The following WWOX variants were observed in gnomAD, a reference collection of about 807,000 sequenced individuals.
WWOX encodes the protein WW domain-containing oxidoreductase.
Under a neutral mutation model 46.2 loss-of-function variants are expected in WWOX, and 69 were observed. That is an observed-to-expected ratio of 1.49 (90% CI 1.23 to 1.82). The LOEUF is 1.82. Ranked by LOEUF, WWOX falls within the 40% of genes most tolerant of loss-of-function variation. The probability of loss-of-function intolerance (pLI) is 0.00; values close to 1 mark genes in which losing one functional copy is unlikely to be tolerated. For synonymous variants in WWOX, 359 were observed against 202.6 expected (o/e 1.77, Z -6.56); for missense variants, 919 against 542.6 (o/e 1.69, Z -6.89).
intron 8 of WWOX, among the ~76,000 whole-genome samples, chr16:79,049,116 C>G (rs1005716330): frequency 3.3e-5 from 5 of 152,204 alleles, no homozygotes; most frequent in Admixed American, 3.3e-4. Context: ...CTGCAAACAG[C>G]TAGATAGCAA....
chr16:78,189,996 A>T (rs1457738302), intron 5 of WWOX, among the ~76,000 whole-genome samples: 4 of 152,256 alleles, frequency 2.6e-5, no homozygotes, highest in African/African-American at 9.6e-5. Context: ...CTTCCCACCC[A>T]AACCTTTCCT....
chr16:78,609,393 C>A (rs1392278610), intron 8 of WWOX, among the ~76,000 whole-genome samples: 2 of 151,812 alleles, frequency 1.3e-5, no homozygotes, highest in Non-Finnish European at 2.9e-5. Flanking sequence ...TATATGCTTC[C>A]CCACCAGGAG....
chr16:79,044,288 C>T (rs2656610), intron 8 of WWOX, among the ~76,000 whole-genome samples: 63,099 of 151,908 alleles, frequency 0.42, 15,399 homozygotes, highest in African/African-American at 0.69. Context: ...CGGTCTGATA[C>T]AGCTTAGATG....
At chr16:78,662,961 T>C (rs537354041) in intron 8 of WWOX, among the ~76,000 whole-genome samples, 20 of 152,336 alleles carry the variant, frequency 1.3e-4, no homozygotes, top group African/African-American at 4.6e-4. Context: ...TTTTTTTAAC[T>C]TAATCTTGGA....
In WWOX at chr16:78,349,357, C is replaced by T. The variant is rs1212771330; in HGVS notation, c.517-37503C>T. ...GAGGTAGTACGGGTTAGGTCTTCAG[C>T]ATATGAATTTTGGGGAAACAGAATC... On this transcript the variant is annotated intron_variant, in intron 5 of 8. Coordinates refer to ENST00000566780, the MANE Select transcript of WWOX (RefSeq NM_016373.4). 1.1e-4 allele frequency among the ~76,000 whole-genome samples: 13 copies of T among 121,056 alleles called. 5 individuals are homozygous for T. The South Asian group carries it at 1.5e-3, about 14-fold the overall frequency. The allele number at this position is 121,056 out of a possible 152,430, so 79.4% of individuals were successfully genotyped here. A position where few individuals can be genotyped will look rare whatever the true frequency, so the allele number is the denominator to read the frequency against.
chr16:78,608,233 T>C (rs2045811291), intron 8 of WWOX, among the ~76,000 whole-genome samples: 1 of 152,124 alleles, frequency 6.6e-6, no homozygotes, highest in African/African-American at 2.4e-5. Flanking sequence ...AAAAGAACTG[T>C]GAAAATACAC....
intron 8 of WWOX, among the ~76,000 whole-genome samples, chr16:78,771,042 G>A (rs1331507870): frequency 2.0e-5 from 3 of 152,320 alleles, no homozygotes; most frequent in African/African-American, 7.2e-5. Flanking sequence ...AGAAGGAACC[G>A]CACGTGCAAA....
At chr16:78,147,963 G>C (rs1255213760) in intron 4 of WWOX, among the ~76,000 whole-genome samples, 1 of 151,694 alleles carries the variant, frequency 6.6e-6, no homozygotes, top group Non-Finnish European at 1.5e-5. Flanking sequence ...TGTGCGTGTA[G>C]AATCCTGGTG....
chr16:78,370,500 T>G (rs55984374), intron 5 of WWOX, among the ~76,000 whole-genome samples: 2 of 118,840 alleles, frequency 1.7e-5, no homozygotes, highest in African/African-American at 6.4e-5. Context: ...ACGATGTTTT[T>G]TTTTTTGATT....
At chr16:78,320,001 TTTAAC>T (rs1362092203) in intron 5 of WWOX, among the ~76,000 whole-genome samples, 1 of 152,206 alleles carries the variant, frequency 6.6e-6, no homozygotes, top group Non-Finnish European at 1.5e-5. Flanking sequence ...CATTATATCT[TTTAAC>T]TTTATTTCTT....
intron 5 of WWOX, among the ~76,000 whole-genome samples, chr16:78,351,727 G>T (rs1164709119): frequency 6.6e-6 from 1 of 152,130 alleles, no homozygotes; most frequent in African/African-American, 2.4e-5. Flanking sequence ...CACGATGTTG[G>T]CTCACTGCAA....
At chr16:78,976,436 C>G (rs1332969235) in intron 8 of WWOX, among the ~76,000 whole-genome samples, 13 of 152,220 alleles carry the variant, frequency 8.5e-5, no homozygotes, top group Non-Finnish European at 1.3e-4. Flanking sequence ...GGGCCTGTGA[C>G]TAACAGCCAC....
intron 8 of WWOX, among the ~76,000 whole-genome samples, chr16:79,127,127 T>C (rs2049775181): frequency 6.6e-6 from 1 of 152,104 alleles, no homozygotes; most frequent in Non-Finnish European, 1.5e-5. Context: ...AAGTAGAAGA[T>C]AAAAACAAGG....
intron 5 of WWOX, among the ~76,000 whole-genome samples, chr16:78,170,371 A>T (rs78198200): frequency 0.037 from 5,668 of 152,302 alleles, 158 homozygotes; most frequent in Non-Finnish European, 0.06. Flanking sequence ...AACTCTGTGT[A>T]TATAAAGTCT....
intron 8 of WWOX, among the ~76,000 whole-genome samples, chr16:78,894,946 A>C (rs892971195): frequency 5.3e-5 from 8 of 152,158 alleles, no homozygotes; most frequent in African/African-American, 1.7e-4. Flanking sequence ...CGATAGTTCC[A>C]ATGGATCCAC....
At chr16:78,425,552 G>A (rs2083056124) in intron 7 of WWOX, among the ~76,000 whole-genome samples, 1 of 152,310 alleles carries the variant, frequency 6.6e-6, no homozygotes, top group African/African-American at 2.4e-5. Context: ...ATCTGGCCGT[G>A]CCTCTTTTGG....
chr16:78,954,909 T>C (rs1350085173), intron 8 of WWOX, among the ~76,000 whole-genome samples: 1 of 152,024 alleles, frequency 6.6e-6, no homozygotes, highest in East Asian at 1.9e-4. Flanking sequence ...CCTGCCTCAG[T>C]TTCCTGAGTA....
chr16:79,121,761 C>G (rs2049636817), intron 8 of WWOX, among the ~76,000 whole-genome samples: 1 of 152,168 alleles, frequency 6.6e-6, no homozygotes. Flanking sequence ...ATTGGGAAAA[C>G]TAGGTTAGTG....
chr16:78,103,130 C>T (rs2031907295), intron 1 of WWOX, among the ~76,000 whole-genome samples: 2 of 152,184 alleles, frequency 1.3e-5, no homozygotes, highest in South Asian at 4.1e-4. Flanking sequence ...CTGCTTTCTT[C>T]CTGAGTGGCC....
Sources: allele counts gnomAD v4.1 joint callset (sites outside exome capture counted in the v4.1 genomes callset), GRCh38; gene constraint gnomAD v4.1.1; transcripts MANE v1.5; gene names NCBI Gene and HGNC (gene_info 2026-07-23, HGNC 2026-07-21).